Variants in STK32B observed in about 807,000 individuals in gnomAD.
STK32B encodes the protein serine/threonine-protein kinase 32B.
A neutral mutation model predicts 52.6 loss-of-function variants in STK32B; 43 were observed. The observed-to-expected ratio is 0.82, with a 90% CI of 0.64 to 1.05. The LOEUF (loss-of-function observed/expected upper bound fraction) is 1.05, where lower values mean the gene tolerates loss of function less well. Among genes scored for constraint, STK32B ranks in the 50% least tolerant of loss-of-function variants. The pLI is 0.00. For missense variants in STK32B, 621 were observed against 534.6 expected (o/e 1.16, Z -1.59); for synonymous variants, 238 against 204.3 (o/e 1.17, Z -1.41).
intron 3 of STK32B, among the ~76,000 whole-genome samples, chr4:5,184,346 T>C (rs997307068): frequency 1.3e-5 from 2 of 152,130 alleles, no homozygotes; most frequent in African/African-American, 4.8e-5. Context: ...ATTCAGAACA[T>C]GCACAACATT....
At chr4:5,213,681 G>A (rs1034902427) in intron 3 of STK32B, among the ~76,000 whole-genome samples, 2 of 152,070 alleles carry the variant, frequency 1.3e-5, no homozygotes, top group Non-Finnish European at 2.9e-5. Flanking sequence ...CCTTCTTAGC[G>A]AAGCTTCTTG....
the STK32B span, among the ~76,000 whole-genome samples, chr4:5,024,993 C>G: frequency 1.3e-5 from 2 of 152,174 alleles, no homozygotes; most frequent in Non-Finnish European, 2.9e-5. Context: ...TGCTCAGGCC[C>G]CCAGGCTGGC....
chr4:5,490,916 T>A (rs945102410), intron 11 of STK32B, among the ~76,000 whole-genome samples: 23 of 152,370 alleles, frequency 1.5e-4, no homozygotes, highest in African/African-American at 5.5e-4. Context: ...TCATTTTTTA[T>A]GGCTGCATAG....
Position 5,396,981 on chromosome 4 carries a change from C to T in STK32B, c.435-1226C>T, listed in dbSNP as rs1167014137. On this transcript the variant is annotated intron_variant, in intron 4 of 11. Transcript: ENST00000282908. The surrounding 1 kb of genome is among the most constrained non-coding windows in gnomAD (Gnocchi z 4.7). Reference sequence around the variant, plus strand: ...GACCTCGGCAGCAGGGGCCCACGTACTCAATGCTCCTCGGTACTCATGGGT... The same window carrying T: ...GACCTCGGCAGCAGGGGCCCACGTATTCAATGCTCCTCGGTACTCATGGGT... 1.3e-5 allele frequency among the ~76,000 whole-genome samples: 2 copies of T among 152,202 alleles called. No homozygotes were observed. The highest frequency in any genetic ancestry group is 2.9e-5 in the Non-Finnish European group (2 of 68,046).
At chr4:5,244,431 G>T (rs949412656) in intron 3 of STK32B, among the ~76,000 whole-genome samples, 9 of 152,070 alleles carry the variant, frequency 5.9e-5, no homozygotes, top group African/African-American at 2.2e-4. Context: ...TATGCCCATT[G>T]TCATTTTTTA....
chr4:5,498,817 A>G, intron 11 of STK32B, 128 bp from the exon 12 acceptor site: 10 of 1,351,192 alleles, frequency 7.4e-6, no homozygotes, highest in Non-Finnish European at 8.8e-6. Context: ...CTTAATGATC[A>G]ATCTTCCCAG....
At chr4:5,130,197 G>A (rs559761656) in intron 1 of STK32B, among the ~76,000 whole-genome samples, 1 of 151,874 alleles carries the variant, frequency 6.6e-6, no homozygotes, top group East Asian at 1.9e-4. Flanking sequence ...GGATGGGAAG[G>A]AGTCAGCACT....
At chr4:5,065,357 G>A (rs1442412484) in intron 1 of STK32B, among the ~76,000 whole-genome samples, 2 of 152,150 alleles carry the variant, frequency 1.3e-5, no homozygotes, top group African/African-American at 2.4e-5. Flanking sequence ...AAACTTAGAA[G>A]GTGGCCCCCT....
intron 3 of STK32B, among the ~76,000 whole-genome samples, chr4:5,280,128 C>G (rs1181968623): frequency 6.6e-6 from 1 of 152,188 alleles, no homozygotes; most frequent in East Asian, 1.9e-4. Flanking sequence ...ACCACATGGT[C>G]AGGCTGCAAA....
chr4:5,353,056 G>A (rs1217181406), intron 4 of STK32B, among the ~76,000 whole-genome samples: 2 of 152,016 alleles, frequency 1.3e-5, no homozygotes, highest in Admixed American at 6.6e-5. Context: ...CATGAAAATA[G>A]ACACATAGAT....
At chr4:5,423,673 G>C (rs1437667994) in intron 6 of STK32B, among the ~76,000 whole-genome samples, 1 of 152,174 alleles carries the variant, frequency 6.6e-6, no homozygotes. Flanking sequence ...TTCACTGCAG[G>C]GGCTGGGTTG....
At chr4:5,344,616 T>C (rs1733322308) in intron 4 of STK32B, among the ~76,000 whole-genome samples, 2 of 152,200 alleles carry the variant, frequency 1.3e-5, no homozygotes, top group Non-Finnish European at 2.9e-5. Flanking sequence ...GGCTTCTTTA[T>C]TATTGAAGTG....
At chr4:5,068,218 C>T (rs1711540611) in intron 1 of STK32B, among the ~76,000 whole-genome samples, 1 of 152,106 alleles carries the variant, frequency 6.6e-6, no homozygotes, top group Non-Finnish European at 1.5e-5. Flanking sequence ...AATTTTAGTG[C>T]ACCAGTCACT....
chr4:5,022,248 G>A, the STK32B span, among the ~76,000 whole-genome samples: 5 of 152,138 alleles, frequency 3.3e-5, no homozygotes, highest in South Asian at 4.2e-4. Context: ...TCTGTTTCTC[G>A]GCACCCAGCA....
chr4:5,371,208 G>A (rs778538254), intron 4 of STK32B, among the ~76,000 whole-genome samples: 7 of 152,028 alleles, frequency 4.6e-5, no homozygotes, highest in Non-Finnish European at 8.8e-5. Context: ...AGCAGAAGGA[G>A]GGATCAGTAG....
At chr4:5,477,406 C>G (rs1003777648) in intron 11 of STK32B, among the ~76,000 whole-genome samples, 1 of 152,144 alleles carries the variant, frequency 6.6e-6, no homozygotes, top group Admixed American at 6.5e-5. Context: ...CCCTCAAATG[C>G]CTCATTTTCT....
chr4:5,191,986 G>A lies in STK32B; in HGVS notation c.260+23536G>A, dbSNP rs140161527. Among the ~76,000 whole-genome samples, 913 of 152,306 alleles carry A rather than the reference G, an allele frequency of 6.0e-3. 5 individuals carry two copies. The highest frequency in any genetic ancestry group is 9.3e-3 in the Non-Finnish European group (636 of 68,032). ...CCCACTCACCTTCCCTGTCCAACCA[G>A]AGGCTGCACAGTGCCTCAGGGCATC... On this transcript the variant is annotated intron_variant, in intron 3 of 11. Coordinates refer to ENST00000282908, the MANE Select transcript of STK32B (RefSeq NM_018401.3).
At chr4:5,122,314 TAA>T (rs1715081322) in intron 1 of STK32B, among the ~76,000 whole-genome samples, 4 of 149,636 alleles carry the variant, frequency 2.7e-5, no homozygotes, top group African/African-American at 1.0e-4. Flanking sequence ...ATTACCTCAT[TAA>T]TTCAGTCACC....
Position 5,097,153 on chromosome 4 carries a change from A to G in STK32B, c.53-42752A>G, listed in dbSNP as rs566824883. ...TTATTTAAAATGTACTTTCTTGCCC[A>G]TGGTATTTTTGTTGTGGAATGGAAA... On this transcript the variant is annotated intron_variant, in intron 1 of 11. Coordinates refer to ENST00000282908, the MANE Select transcript of STK32B (RefSeq NM_018401.3). 7.9e-5 allele frequency among the ~76,000 whole-genome samples: 12 copies of G among 152,324 alleles called. No homozygotes were observed. The South Asian group carries it at 1.0e-3, about 13-fold the overall frequency.
Sources: allele counts gnomAD v4.1 joint callset (sites outside exome capture counted in the v4.1 genomes callset), GRCh38; gene constraint gnomAD v4.1.1; non-coding constraint Gnocchi (gnomAD v3.1); transcripts MANE v1.5; gene names NCBI Gene and HGNC (gene_info 2026-07-23, HGNC 2026-07-21).